The following NELL1 variants were observed in gnomAD, a reference collection of about 807,000 sequenced individuals.
NELL1 encodes the protein protein kinase C-binding protein NELL1.
In NELL1, 76 loss-of-function variants were observed where a neutral mutation model predicts 107.4. That is an observed-to-expected ratio of 0.71 (90% confidence interval 0.59 to 0.86). The LOEUF (loss-of-function observed/expected upper bound fraction) is 0.86, where lower values mean the gene tolerates loss of function less well. NELL1 is among the 40% of genes least tolerant of loss of function. NELL1 has a pLI of 0.00. For synonymous variants in NELL1, 353 were observed against 341.2 expected, an observed-to-expected ratio of 1.03 and a Z score of -0.38; for missense variants, 1,024 against 1,005.5, an observed-to-expected ratio of 1.02 and a Z score of -0.25.
At chr11:20,978,993 A>T (rs190874802) in intron 12 of NELL1, among the ~76,000 whole-genome samples, 14 of 152,196 alleles carry the variant, frequency 9.2e-5, no homozygotes, top group Admixed American at 9.2e-4. Context: ...AGTGGATAGG[A>T]TTTTGCAGGC....
chr11:21,088,236 AG>A (rs1325012042), intron 12 of NELL1, among the ~76,000 whole-genome samples: 1 of 152,178 alleles, frequency 6.6e-6, no homozygotes, highest in Non-Finnish European at 1.5e-5. Context: ...AAAGATACAT[AG>A]CAGCAGTTTG....
intron 15 of NELL1, among the ~76,000 whole-genome samples, chr11:21,395,014 TA>T (rs1851951421): frequency 6.6e-6 from 1 of 151,498 alleles, no homozygotes; most frequent in African/African-American, 2.4e-5. Context: ...GAGAGGTATA[TA>T]CAAGGGATAT....
chr11:20,745,574 G>GT (rs1183417512), intron 2 of NELL1, among the ~76,000 whole-genome samples: 2 of 152,128 alleles, frequency 1.3e-5, no homozygotes, highest in African/African-American at 4.8e-5. Context: ...TTAGTTGACT[G>GT]TTAACAAATT....
intron 3 of NELL1, among the ~76,000 whole-genome samples, chr11:20,798,630 A>G (rs922616714): frequency 6.6e-6 from 1 of 152,154 alleles, no homozygotes; most frequent in Admixed American, 6.5e-5. Context: ...TGCTGATGAA[A>G]GATAGATTTA....
intron 12 of NELL1, among the ~76,000 whole-genome samples, chr11:20,965,525 A>G (rs181312048): frequency 6.6e-6 from 1 of 152,288 alleles, no homozygotes; most frequent in East Asian, 1.9e-4. Flanking sequence ...CCAGGTGCAT[A>G]TTGTTAGCAG....
At chr11:21,290,542 A>T (rs4923519) in intron 14 of NELL1, among the ~76,000 whole-genome samples, 139,827 of 152,160 alleles carry the variant, frequency 0.92, 64,442 homozygotes, top group Non-Finnish European at 0.95. Flanking sequence ...CTGTGCCTCC[A>T]GACTGGGAGA....
chr11:20,959,069 A>G (rs866714809), intron 11 of NELL1, among the ~76,000 whole-genome samples: 1 of 152,252 alleles, frequency 6.6e-6, no homozygotes, highest in Non-Finnish European at 1.5e-5. Flanking sequence ...CTAAGTTTAT[A>G]TAATATTCTA....
intron 12 of NELL1, among the ~76,000 whole-genome samples, chr11:20,991,828 G>A (rs973641726): frequency 2.1e-4 from 32 of 152,048 alleles, no homozygotes; most frequent in African/African-American, 7.7e-4. Context: ...CAGCAGCAGA[G>A]GAAGTTAATT....
intron 16 of NELL1, among the ~76,000 whole-genome samples, chr11:21,538,998 T>G (rs1856218836): frequency 6.6e-6 from 1 of 152,124 alleles, no homozygotes; most frequent in African/African-American, 2.4e-5. Context: ...TGCTTTTCCC[T>G]GACTATCCCC....
intron 15 of NELL1, among the ~76,000 whole-genome samples, chr11:21,473,785 T>C (rs540854682): frequency 1.3e-5 from 2 of 152,044 alleles, no homozygotes; most frequent in South Asian, 4.1e-4. Flanking sequence ...CCGTAGTATA[T>C]TGCAATATTG....
chr11:20,686,075 A>G (rs1313990201), intron 2 of NELL1, among the ~76,000 whole-genome samples: 1 of 152,130 alleles, frequency 6.6e-6, no homozygotes, highest in African/African-American at 2.4e-5. Context: ...TCAAAAGTGC[A>G]AAGTGTAAAA....
At chr11:20,806,682 T>C (rs2134008402) in intron 3 of NELL1, among the ~76,000 whole-genome samples, 1 of 152,320 alleles carries the variant, frequency 6.6e-6, no homozygotes, top group South Asian at 2.1e-4. Context: ...AGATTTGCCC[T>C]TTCGAAGCTA....
intron 4 of NELL1, among the ~76,000 whole-genome samples, chr11:20,865,418 A>G (rs1196988001): frequency 1.3e-5 from 2 of 152,120 alleles, no homozygotes; most frequent in African/African-American, 2.4e-5. Context: ...GCCGGGTGGG[A>G]TGCTGGAAAA....
At chr11:21,557,721 A>G (rs1360324610) in intron 16 of NELL1, among the ~76,000 whole-genome samples, 1 of 152,030 alleles carries the variant, frequency 6.6e-6, no homozygotes, top group Non-Finnish European at 1.5e-5. Flanking sequence ...TGAGAACTCA[A>G]CAACAAAATG....
intron 15 of NELL1, among the ~76,000 whole-genome samples, chr11:21,452,723 T>C (rs1247713732): frequency 1.3e-5 from 2 of 152,012 alleles, no homozygotes; most frequent in Non-Finnish European, 2.9e-5. Context: ...TAAGTTTTTC[T>C]TCTTTTTAAA....
chr11:20,803,882 GAA>G (rs1857328571), intron 3 of NELL1, among the ~76,000 whole-genome samples: 1 of 152,052 alleles, frequency 6.6e-6, no homozygotes, highest in Non-Finnish European at 1.5e-5. Flanking sequence ...AGAAAAATGT[GAA>G]AAGAGAGACT....
At chr11:21,310,325 G>A (rs755868133) in intron 14 of NELL1, among the ~76,000 whole-genome samples, 5 of 151,862 alleles carry the variant, frequency 3.3e-5, no homozygotes, top group Non-Finnish European at 5.9e-5. Flanking sequence ...TGATAATTAC[G>A]GTATTACCTT....
At chr11:20,689,748 G>A (rs533783643) in intron 2 of NELL1, among the ~76,000 whole-genome samples, 225 of 151,280 alleles carry the variant, frequency 1.5e-3, no homozygotes, top group African/African-American at 5.1e-3. Context: ...ATAAACATAC[G>A]TGTGCGTGTG....
At chr11:21,564,624 A>AAT (rs1856927695) in intron 17 of NELL1, among the ~76,000 whole-genome samples, 1 of 151,848 alleles carries the variant, frequency 6.6e-6, no homozygotes, top group Admixed American at 6.6e-5. Flanking sequence ...GCAGTTAAAA[A>AAT]ATGTGAGTAG....
Sources: allele counts gnomAD v4.1 joint callset (sites outside exome capture counted in the v4.1 genomes callset), GRCh38; gene constraint gnomAD v4.1.1; transcripts MANE v1.5; gene names NCBI Gene and HGNC (gene_info 2026-07-23, HGNC 2026-07-21).